DCLRE1A: variants seen among roughly 807,000 people sequenced by gnomAD.
The protein encoded by DCLRE1A is DNA cross-link repair 1A.
DCLRE1A carries 64 observed loss-of-function variants against 91.9 expected under a neutral mutation model. The ratio of observed to expected loss-of-function variants is 0.70; its 90% CI spans 0.57 to 0.86. The LOEUF (loss-of-function observed/expected upper bound fraction) is 0.86. DCLRE1A is among the 40% of genes least tolerant of loss of function. The pLI is 0.00. For missense variants in DCLRE1A, 1,145 were observed against 1,213.3 expected (o/e 0.94, Z 0.84); for synonymous variants, 416 against 431.1 (o/e 0.96, Z 0.43).
rs1845620888 is a variant in DCLRE1A at position 113,850,186 on chromosome 10, C to T, written c.919G>A (p.Glu307Lys). ...TTTTCATCGATATCATGAGTGTCTTCATCACTTTGAAGTGGAGAATAGGAG... is the reference window on the plus strand; with the variant it reads ...TTTTCATCGATATCATGAGTGTCTTTATCACTTTGAAGTGGAGAATAGGAG... ...EISYSPLQSDEDTHDIDEKPD... is the reference protein window; with the variant it reads ...EISYSPLQSDKDTHDIDEKPD... Residue 307 changes from glutamate (E) to lysine (K), a missense_variant, in exon 2 of 9, where the codon GAA becomes AAA. By Grantham distance (56) the Glu-to-Lys change is moderately conservative. Transcript: ENST00000361384. 2 of 1,614,132 alleles carry T rather than the reference C, an allele frequency of 1.2e-6. No homozygotes were observed. Among genetic ancestry groups the T allele is most frequent in the East Asian group, 2.2e-5 (1 of 44,884 alleles).
At chr10:113,852,281 A>G (rs1845663472) in intron 1 of DCLRE1A, among the ~76,000 whole-genome samples, 1 of 152,236 alleles carries the variant, frequency 6.6e-6, no homozygotes, top group South Asian at 2.1e-4. Context: ...GCTTGCAGTG[A>G]GCCAAGATAG....
Position 113,849,103 on chromosome 10 carries a change from TACTTA to T in DCLRE1A, c.1997_2001del (p.Leu666Ter), listed in dbSNP as rs1845593101. On this transcript the variant is annotated frameshift_variant, in exon 2 of 9. Transcript: ENST00000361384. LOFTEE classifies it high-confidence loss of function. Reference sequence around the variant, plus strand: ...GCTGATTTTGTGAAGACTTTGACTTTACTTAAATTGACTGCTTCAGATTCTGTATT... The same window carrying T: ...GCTGATTTTGTGAAGACTTTGACTTTAATTGACTGCTTCAGATTCTGTATT... The T allele has an allele frequency of 1.2e-6, 2 of 1,614,072 alleles. No individual in the cohort carries two copies. Among genetic ancestry groups the T allele is most frequent in the Admixed American group, 3.3e-5 (2 of 60,010 alleles).
chr10:113,837,006 A>T (rs1845371552), intron 8 of DCLRE1A, 56 bp downstream of exon 8: 1 of 1,435,242 alleles, frequency 7.0e-7, no homozygotes, highest in Non-Finnish European at 9.3e-7. Flanking sequence ...TACATTTTTT[A>T]AAATGTAATT....
At chr10:113,844,037 T>C in intron 5 of DCLRE1A, 67 bp downstream of exon 5, 1 of 1,544,296 alleles carries the variant, frequency 6.5e-7, no homozygotes, top group Non-Finnish European at 8.7e-7. Flanking sequence ...ATCATTTTGA[T>C]AACCATAATA....
chr10:113,852,654 A>G (rs2134673695), intron 1 of DCLRE1A, 69 bp downstream of exon 1: 1 of 1,427,872 alleles, frequency 7.0e-7, no homozygotes, highest in Non-Finnish European at 9.4e-7. Context: ...GTTTCACTGA[A>G]TTGGTATGTC....
At chr10:113,854,103 C>G (rs908237255), upstream of DCLRE1A, 13 of 152,400 alleles carry the variant, frequency 8.5e-5, no homozygotes, top group African/African-American at 3.1e-4. Flanking sequence ...CAGAGTCCTG[C>G]CCTTCTGAAG....
chr10:113,845,746 A>G lies in DCLRE1A; in HGVS notation c.2317T>C (p.Leu773=). The G allele has an allele frequency of 6.2e-7, 1 of 1,614,178 alleles. No individual in the cohort carries two copies. Among genetic ancestry groups the G allele is most frequent in the Non-Finnish European group, 8.5e-7 (1 of 1,180,018 alleles). ...LHVQEQYIHP[L]PLDTECIVNG... Reference sequence around the variant, plus strand: ...ACAATACATTCAGTGTCCAGTGGCAATGGGTGAATATATTGTTCTTGCACA... The same window carrying G: ...ACAATACATTCAGTGTCCAGTGGCAGTGGGTGAATATATTGTTCTTGCACA... Residue 773 remains leucine, a synonymous_variant, in exon 4 of 9, where the codon TTG becomes CTG. Transcript: ENST00000361384.
chr10:113,843,359 A>G (rs991771684), intron 5 of DCLRE1A, among the ~76,000 whole-genome samples: 33 of 152,206 alleles, frequency 2.2e-4, no homozygotes, highest in Non-Finnish European at 4.0e-4. Flanking sequence ...GGTTTTTTTA[A>G]AAACTTATTT....
In DCLRE1A at chr10:113,853,065, C is replaced by A; in HGVS notation, c.118G>T (p.Asp40Tyr). Residue 40 changes from aspartate to tyrosine, a missense_variant, in exon 1 of 9, where the codon GAT becomes TAT. By Grantham distance (160) the Asp-to-Tyr change is radical. Coordinates refer to ENST00000361384, the MANE Select transcript of DCLRE1A (RefSeq NM_014881.5). The stretch of plus-strand genomic sequence containing the variant: ...CTCCGTTTTGACTGGTATTTTCCAT[C>A]TGTTGCTTTTTCAACAGATTTTAGA... ...NILKSVEKAT[D>Y]GKYQSKRSRN... The A allele has an allele frequency of 6.2e-7, 1 of 1,613,146 alleles. No homozygotes were observed. The highest frequency in any genetic ancestry group is 2.2e-5 in the East Asian group (1 of 44,870).
At chr10:113,844,844 G>A (rs1342806537) in intron 4 of DCLRE1A, among the ~76,000 whole-genome samples, 1 of 151,794 alleles carries the variant, frequency 6.6e-6, no homozygotes, top group Admixed American at 6.6e-5. Context: ...GCTGAGGCAG[G>A]AGAATCACTT....
chr10:113,849,161 C>T lies in DCLRE1A; in HGVS notation c.1944G>A (p.Ala648=), dbSNP rs17228693. 292 of 1,614,094 alleles carry T rather than the reference C, an allele frequency of 1.8e-4. 1 individual carries two copies. The African/African-American group carries it at 3.0e-3, about 17-fold the overall frequency. ...TAAGGTGATCTGATCTCTTCTGACACGCTCCTTCCTGCAGTGAATTTGACT... is the reference window on the plus strand; with the variant it reads ...TAAGGTGATCTGATCTCTTCTGACATGCTCCTTCCTGCAGTGAATTTGACT... ...CRKSNSLQEG[A]CQKRSDHLIN... The change falls in exon 2 of 9, where the codon GCG becomes GCA. Residue 648 remains alanine (A), a synonymous_variant. Transcript: ENST00000361384.
At chr10:113,851,938 C>G (rs1172654346) in intron 1 of DCLRE1A, among the ~76,000 whole-genome samples, 1 of 152,100 alleles carries the variant, frequency 6.6e-6, no homozygotes, top group Admixed American at 6.5e-5. Flanking sequence ...TCTTGAATTC[C>G]TAGGCTCAAG....
At chr10:113,843,960 T>C in intron 5 of DCLRE1A, 144 bp downstream of exon 5, 1 of 1,127,410 alleles carries the variant, frequency 8.9e-7, no homozygotes, top group Non-Finnish European at 1.2e-6. Context: ...CTTAAGCAAG[T>C]ATATACATAT....
At position 113,853,326 on chromosome 10, in the gene DCLRE1A, G is replaced by A. The variant is rs780143380; in HGVS notation, c.-144C>T. ...ACCCCCACCAACTCAATGGGAATCTGCAGTGTTGGTAATGAACATATTGGC... is the reference window on the plus strand; with the variant it reads ...ACCCCCACCAACTCAATGGGAATCTACAGTGTTGGTAATGAACATATTGGC... On this transcript the variant is annotated 5_prime_UTR_variant, in exon 1 of 9. Coordinates refer to ENST00000361384, the MANE Select transcript of DCLRE1A (RefSeq NM_014881.5). 6.7e-6 allele frequency: 5 copies of A among 747,950 alleles called. No individual in the cohort carries two copies. Among genetic ancestry groups the A allele is most frequent in the Non-Finnish European group, 1.0e-5 (5 of 481,640 alleles). 46.3% of individuals were successfully genotyped at this position (747,950 alleles called of 1,614,324 possible).
chr10:113,845,628 T>C (rs1223181594), intron 4 of DCLRE1A, 57 bp downstream of exon 4: 43 of 1,265,348 alleles, frequency 3.4e-5, no homozygotes, highest in Non-Finnish European at 4.8e-5. Flanking sequence ...ATCATGCCAA[T>C]GTGTTGTCCT....
Position 113,849,794 on chromosome 10 carries a change from T to C in DCLRE1A, c.1311A>G (p.Ser437=). ...KAKPDEPEFH[S]AQSNKQKQVI... is the part of the protein sequence containing the mutation. ...CCTGTTTCTGTTTATTTGATTGAGCTGAGTGAAATTCTGGCTCATCAGGTT... is the reference window on the plus strand; with the variant it reads ...CCTGTTTCTGTTTATTTGATTGAGCCGAGTGAAATTCTGGCTCATCAGGTT... Residue 437 remains serine (S), a synonymous_variant, in exon 2 of 9, where the codon TCA becomes TCG. Coordinates refer to ENST00000361384, the MANE Select transcript of DCLRE1A (RefSeq NM_014881.5). 6.2e-7 allele frequency: 1 copy of C among 1,614,194 alleles called. No individual in the cohort carries two copies. Among genetic ancestry groups the C allele is most frequent in the Non-Finnish European group, 8.5e-7 (1 of 1,180,030 alleles).
intron 2 of DCLRE1A, among the ~76,000 whole-genome samples, chr10:113,848,150 A>G (rs564770066): frequency 3.3e-5 from 5 of 152,210 alleles, no homozygotes; most frequent in South Asian, 4.2e-4. Flanking sequence ...CGTCTCTACT[A>G]AAAATATGAA....
Position 113,845,805 on chromosome 10 carries a change from T to C in DCLRE1A, c.2260-2A>G. The C allele has an allele frequency of 6.2e-7, 1 of 1,611,380 alleles. No homozygotes were observed. Among genetic ancestry groups the C allele is most frequent in the South Asian group, 1.1e-5 (1 of 91,020 alleles). ...GTTCTTCAACAAATTGCCAGTTATC[T>C]GCAAAACAGGACGTGCTTATTGCTG... On this transcript the variant is annotated splice_acceptor_variant, in intron 3 of 8. Coordinates refer to ENST00000361384, the MANE Select transcript of DCLRE1A (RefSeq NM_014881.5). LOFTEE classifies it high-confidence loss of function.
intron 2 of DCLRE1A, among the ~76,000 whole-genome samples, chr10:113,847,646 A>G (rs1305695896): frequency 1.3e-5 from 2 of 152,202 alleles, no homozygotes; most frequent in African/African-American, 4.8e-5. Context: ...TTAGCACTTT[A>G]CTTCTGCAAA....
Sources: gnomAD v4.1 joint callset for allele counts (sites outside exome capture counted in the v4.1 genomes callset) on GRCh38, gnomAD v4.1.1 for gene constraint, MANE v1.5 for transcripts, NCBI Gene and HGNC (gene_info 2026-07-23, HGNC 2026-07-21) for gene names.